SOX5: variants seen among roughly 807,000 people sequenced by gnomAD.
SOX5 encodes SRY-box transcription factor 5, also known as transcription factor SOX-5.
A neutral mutation model predicts 92.0 loss-of-function variants in SOX5; 9 were observed. The observed-to-expected ratio is 0.10, with a 90% CI of 0.06 to 0.17. SOX5 has a LOEUF of 0.17. Ranked by LOEUF, SOX5 falls within the 10% of genes least tolerant of loss-of-function variation. The pLI is 1.00. For synonymous variants in SOX5, 344 were observed against 336.3 expected, an observed-to-expected ratio of 1.02 and a Z score of -0.25; for missense variants, 642 against 944.5, an observed-to-expected ratio of 0.68 and a Z score of 4.20.
chr12:23,843,324 T>C (rs916182180), intron 3 of SOX5, among the ~76,000 whole-genome samples: 5 of 152,160 alleles, frequency 3.3e-5, no homozygotes, highest in African/African-American at 1.2e-4. Flanking sequence ...CTCTGGACTT[T>C]AGTTAATAAT....
intron 6 of SOX5, among the ~76,000 whole-genome samples, chr12:23,690,511 A>G (rs2088569339): frequency 6.6e-6 from 1 of 152,236 alleles, no homozygotes; most frequent in South Asian, 2.1e-4. Context: ...CTTCATGCCT[A>G]CTTATTTCCA....
chr12:23,873,028 C>T (rs2096891495), intron 2 of SOX5, among the ~76,000 whole-genome samples: 1 of 152,182 alleles, frequency 6.6e-6, no homozygotes, highest in East Asian at 1.9e-4. Flanking sequence ...GAAAAGTTTA[C>T]TTTAATACCT....
intron 9 of SOX5, among the ~76,000 whole-genome samples, chr12:23,578,080 A>T (rs572739917): frequency 1.5e-5 from 2 of 129,190 alleles, no homozygotes; most frequent in African/African-American, 5.9e-5. Context: ...AGATCGTGCC[A>T]CTGCACTCCA....
chr12:23,548,635 G>A (rs1338809988), intron 11 of SOX5, among the ~76,000 whole-genome samples: 4 of 151,780 alleles, frequency 2.6e-5, no homozygotes, highest in South Asian at 2.1e-4. Flanking sequence ...AAAGGATAAC[G>A]TTGCCACATT....
intron 4 of SOX5, among the ~76,000 whole-genome samples, chr12:24,167,290 C>A (rs1953525371): frequency 6.6e-6 from 1 of 152,116 alleles, no homozygotes; most frequent in Non-Finnish European, 1.5e-5. Context: ...GAAATTTATA[C>A]TAAATATATT....
exon 1 of SOX5, chr12:24,562,423 GT>G: frequency 6.5e-6 from 1 of 152,822 alleles, no homozygotes; most frequent in Non-Finnish European, 1.5e-5. Context: ...CTGGAGATGG[GT>G]TTTGGTGGCT....
At chr12:23,853,957 G>T (rs573148837) in intron 2 of SOX5, among the ~76,000 whole-genome samples, 41 of 152,180 alleles carry the variant, frequency 2.7e-4, no homozygotes, top group African/African-American at 9.4e-4. Flanking sequence ...AATTTAACAT[G>T]TATTGTAACT....
intron 4 of SOX5, among the ~76,000 whole-genome samples, chr12:24,161,456 G>A (rs1952746701): frequency 6.6e-6 from 1 of 152,002 alleles, no homozygotes; most frequent in South Asian, 2.1e-4. Context: ...GTTTATTAGA[G>A]CAGAGAGTAT....
At chr12:23,715,809 CAAAAAAAAAAAAA>C (rs35450544) in intron 6 of SOX5, among the ~76,000 whole-genome samples, 17 of 72,812 alleles carry the variant, frequency 2.3e-4, no homozygotes, top group Non-Finnish European at 3.5e-4. Flanking sequence ...AGTAATTTCC[CAAAAAAAAAAAAA>C]AAAAAAAAAA....
intron 4 of SOX5, among the ~76,000 whole-genome samples, chr12:24,205,266 T>G (rs1483358485): frequency 6.6e-6 from 1 of 152,150 alleles, no homozygotes; most frequent in Non-Finnish European, 1.5e-5. Context: ...TTATCCCAAC[T>G]CCTAGCACAA....
At chr12:24,032,912 T>C (rs1004493506) in intron 4 of SOX5, among the ~76,000 whole-genome samples, 2 of 151,944 alleles carry the variant, frequency 1.3e-5, no homozygotes, top group Non-Finnish European at 2.9e-5. Flanking sequence ...TTTCACACTT[T>C]GTAACACTTG....
chr12:23,857,106 G>A (rs541487661), intron 2 of SOX5, among the ~76,000 whole-genome samples: 48 of 152,226 alleles, frequency 3.2e-4, no homozygotes, highest in Non-Finnish European at 6.2e-4. Flanking sequence ...AAATTTTACA[G>A]TGCATATACA....
At chr12:23,569,545 C>T (rs1268609282) in intron 10 of SOX5, among the ~76,000 whole-genome samples, 1 of 152,108 alleles carries the variant, frequency 6.6e-6, no homozygotes. Flanking sequence ...TTCACAAGGC[C>T]TAAGAGTCTC....
intron 1 of SOX5, among the ~76,000 whole-genome samples, chr12:24,454,056 A>G (rs1942694914): frequency 6.6e-6 from 1 of 152,234 alleles, no homozygotes; most frequent in African/African-American, 2.4e-5. Context: ...TGCTAAAAGC[A>G]ATGGTAGAGA....
At chr12:23,657,172 G>A (rs1593010640) in intron 7 of SOX5, among the ~76,000 whole-genome samples, 1 of 152,018 alleles carries the variant, frequency 6.6e-6, no homozygotes, top group African/African-American at 2.4e-5. Flanking sequence ...AAGACCATAA[G>A]ATGTAAGCTA....
At chr12:24,494,545 A>G (rs1214616943) in intron 1 of SOX5, among the ~76,000 whole-genome samples, 2 of 152,216 alleles carry the variant, frequency 1.3e-5, no homozygotes, top group Non-Finnish European at 2.9e-5. Flanking sequence ...AAGTCACACC[A>G]TAAGTGACTG....
chr12:23,986,113 T>C (rs146930584), intron 4 of SOX5, among the ~76,000 whole-genome samples: 159 of 152,316 alleles, frequency 1.0e-3, no homozygotes, highest in African/African-American at 3.7e-3. Context: ...TCCCTTGTTA[T>C]ATAATATAAC....
At chr12:23,872,504 T>C (rs2096886253) in intron 2 of SOX5, among the ~76,000 whole-genome samples, 1 of 152,120 alleles carries the variant, frequency 6.6e-6, no homozygotes, top group Non-Finnish European at 1.5e-5. Flanking sequence ...CCTCTTATGG[T>C]TTGATATGAG....
chr12:24,051,203 C>T (rs1460594147), intron 4 of SOX5, among the ~76,000 whole-genome samples: 1 of 152,078 alleles, frequency 6.6e-6, no homozygotes, highest in African/African-American at 2.4e-5. Context: ...TTCTTTCACC[C>T]AGGTAGTTTT....
Sources: gnomAD v4.1 joint callset for allele counts (sites outside exome capture counted in the v4.1 genomes callset) on GRCh38, gnomAD v4.1.1 for gene constraint, MANE v1.5 for transcripts, NCBI Gene and HGNC (gene_info 2026-07-23, HGNC 2026-07-21) for gene names.